SOCS2: variants seen among roughly 807,000 people sequenced by gnomAD.
SOCS2 encodes suppressor of cytokine signaling 2.
A neutral mutation model predicts 18.6 loss-of-function variants in SOCS2; 10 were observed. The observed-to-expected ratio is 0.54, with a 90% CI of 0.33 to 0.91. SOCS2 has a LOEUF of 0.91. SOCS2 is among the 40% of genes least tolerant of loss of function. SOCS2 has a pLI of 0.02. For missense variants in SOCS2, 231 were observed against 247.2 expected (o/e 0.93, Z 0.44); for synonymous variants, 104 against 104.0 (o/e 1.00, Z 0.00).
chr12:93,594,137 A>G, the SOCS2 span, among the ~76,000 whole-genome samples: 1 of 152,230 alleles, frequency 6.6e-6, no homozygotes, highest in Non-Finnish European at 1.5e-5. Context: ...TGAAATAAAA[A>G]GGGAAGAACA....
chr12:93,572,403 A>G, upstream of SOCS2: 1 of 334,076 alleles, frequency 3.0e-6, no homozygotes, highest in Non-Finnish European at 5.9e-6. This position sits in a 1 kb window ranked among gnomAD's most constrained non-coding sequence, Gnocchi z 5.0. Context: ...CTAGGTCGCC[A>G]GTCTTTGATT....
At position 93,575,644 on chromosome 12, in the gene SOCS2, A is replaced by G. The variant is rs1460871470; in HGVS notation, c.*465A>G. 1 of 153,288 alleles carries G rather than the reference A, an allele frequency of 6.5e-6. No homozygotes were observed. The highest frequency in any genetic ancestry group is 1.9e-4 in the East Asian group (1 of 5,202). 9.5% of individuals were successfully genotyped at this position (153,288 alleles called of 1,614,324 possible). ...GTCTCTTGGGCATTTTATATTTTGC[A>G]TTCTGATGTACCTAGGAGTTTTGTT... On this transcript the variant is annotated 3_prime_UTR_variant, in exon 2 of 2. Transcript: ENST00000551556.
chr12:93,614,432 T>C, the SOCS2 span, among the ~76,000 whole-genome samples: 1 of 35,282 alleles, frequency 2.8e-5, no homozygotes, highest in South Asian at 1.2e-3. Flanking sequence ...TTTCTTTCCC[T>C]TCCTTCCTTC....
chr12:93,586,310 C>T (rs79186674), downstream of SOCS2, among the ~76,000 whole-genome samples: 3,965 of 152,216 alleles, frequency 0.026, 131 homozygotes, highest in African/African-American at 0.076. Flanking sequence ...TACTGTTTTG[C>T]TTAATTGGCT....
chr12:93,585,819 C>A (rs553320975), downstream of SOCS2, among the ~76,000 whole-genome samples: 1 of 152,210 alleles, frequency 6.6e-6, no homozygotes, highest in Non-Finnish European at 1.5e-5. Flanking sequence ...CCCGCCCCTG[C>A]CCCCTCAAAA....
chr12:93,607,276 T>C, the SOCS2 span, among the ~76,000 whole-genome samples: 1 of 152,228 alleles, frequency 6.6e-6, no homozygotes, highest in Non-Finnish European at 1.5e-5. Flanking sequence ...AAAGTAGCAT[T>C]GAAACCAGCT....
At chr12:93,581,950 CA>C (rs1439170670) in intron 1 of SOCS2, among the ~76,000 whole-genome samples, 1 of 152,162 alleles carries the variant, frequency 6.6e-6, no homozygotes, top group African/African-American at 2.4e-5. Context: ...AAACTTAGGT[CA>C]AATATCCTGC....
At chr12:93,605,116 T>A in the SOCS2 span, among the ~76,000 whole-genome samples, 1 of 152,166 alleles carries the variant, frequency 6.6e-6, no homozygotes, top group Non-Finnish European at 1.5e-5. Context: ...TTACTTTTAA[T>A]TTAAAATTGT....
At chr12:93,599,873 A>G in the SOCS2 span, among the ~76,000 whole-genome samples, 2 of 152,256 alleles carry the variant, frequency 1.3e-5, no homozygotes, top group African/African-American at 2.4e-5. Flanking sequence ...TTCCCAGCCC[A>G]TAGAAGTGTG....
At chr12:93,588,795 T>A in the SOCS2 span, among the ~76,000 whole-genome samples, 4 of 152,148 alleles carry the variant, frequency 2.6e-5, no homozygotes, top group South Asian at 6.2e-4. Context: ...TTTTTTTTTT[T>A]ATTTTTAGTG....
upstream of SOCS2, chr12:93,571,583 G>A (rs1954253811): frequency 1.1e-5 from 2 of 181,302 alleles, no homozygotes; most frequent in South Asian, 7.6e-5. Flanking sequence ...GGTCGCAGCC[G>A]GAGGGAAACC....
At chr12:93,573,152 C>G (rs1466191648) in intron 1 of SOCS2, 116 bp downstream of exon 1, 2 of 1,326,794 alleles carry the variant, frequency 1.5e-6, no homozygotes, top group African/African-American at 1.5e-5. Flanking sequence ...TCCCTTGCTT[C>G]CAAGGGACCG....
At chr12:93,580,838 A>T (rs781216877), downstream of SOCS2, among the ~76,000 whole-genome samples, 1 of 152,050 alleles carries the variant, frequency 6.6e-6, no homozygotes, top group African/African-American at 2.4e-5. Flanking sequence ...TGTATTTTGC[A>T]TATTGGATTA....
At chr12:93,604,154 T>C in the SOCS2 span, among the ~76,000 whole-genome samples, 2 of 151,990 alleles carry the variant, frequency 1.3e-5, no homozygotes, top group South Asian at 4.2e-4. Flanking sequence ...AAACATCCTT[T>C]GCTCCTACTC....
the SOCS2 span, among the ~76,000 whole-genome samples, chr12:93,603,722 G>A: frequency 1.3e-5 from 2 of 152,038 alleles, no homozygotes; most frequent in Non-Finnish European, 2.9e-5. Context: ...ATTATTTGGG[G>A]TAATGCTTGA....
chr12:93,604,428 T>C, the SOCS2 span, among the ~76,000 whole-genome samples: 2 of 152,212 alleles, frequency 1.3e-5, no homozygotes, highest in Non-Finnish European at 2.9e-5. Context: ...TTGAGTTTTA[T>C]TGTTCAAATT....
downstream of SOCS2, among the ~76,000 whole-genome samples, chr12:93,581,340 T>A (rs573763941): frequency 2.6e-5 from 4 of 152,202 alleles, no homozygotes; most frequent in African/African-American, 9.6e-5. Flanking sequence ...TAGGGTAAGA[T>A]CAGTTTATTT....
chr12:93,607,892 G>T, the SOCS2 span, among the ~76,000 whole-genome samples: 1 of 151,920 alleles, frequency 6.6e-6, no homozygotes, highest in African/African-American at 2.4e-5. Context: ...ATGATGTGGG[G>T]CTTTATTACA....
rs985769425 is a variant in SOCS2, at chr12:93,583,180, C to T, written c.*134C>T. Reference sequence around the variant, plus strand: ...GGTGTATGCCAGCCATCATCATCATCATCATAACCCTTTGGATGAATTTTC... The same window carrying T: ...GGTGTATGCCAGCCATCATCATCATTATCATAACCCTTTGGATGAATTTTC... On this transcript the variant is annotated 3_prime_UTR_variant, in exon 2 of 2. Transcript: ENST00000549510. 6.2e-4 allele frequency: 94 copies of T among 151,984 alleles called. 3 individuals carry two copies. Among genetic ancestry groups the T allele is most frequent in the Non-Finnish European group, 1.5e-5 (1 of 68,002 alleles). 9.4% of individuals were successfully genotyped at this position (151,984 alleles called of 1,614,324 possible). A position where few individuals can be genotyped will look rare whatever the true frequency, so the allele number is the denominator to read the frequency against.
Sources: gnomAD v4.1 joint callset for allele counts (sites outside exome capture counted in the v4.1 genomes callset) on GRCh38, gnomAD v4.1.1 for gene constraint, Gnocchi (gnomAD v3.1) non-coding constraint, MANE v1.5 for transcripts, NCBI Gene and HGNC (gene_info 2026-07-23, HGNC 2026-07-21) for gene names.